The following RIF1 variants were observed in gnomAD, a reference collection of about 807,000 sequenced individuals.
The protein encoded by RIF1 is telomere-associated protein RIF1.
RIF1 carries 45 observed loss-of-function variants against 247.1 expected under a neutral mutation model. The observed-to-expected ratio is 0.18, with a 90% CI of 0.14 to 0.23. The LOEUF (loss-of-function observed/expected upper bound fraction) is 0.23. Among genes scored for constraint, RIF1 ranks in the 10% least tolerant of loss-of-function variants. The pLI, the probability that RIF1 is intolerant of heterozygous loss-of-function variation, is 1.00. For synonymous variants in RIF1, 1,087 were observed against 978.8 expected (o/e 1.11, Z -2.06); for missense variants, 2,967 against 2,862.5 (o/e 1.04, Z -0.83).
intron 11 of RIF1, among the ~76,000 whole-genome samples, chr2:151,501,923 T>C (rs2064940330): frequency 6.6e-6 from 1 of 152,064 alleles, no homozygotes; most frequent in South Asian, 2.1e-4. Context: ...ATACTGAAAG[T>C]TTTCCAAAGG....
intron 11 of RIF1, among the ~76,000 whole-genome samples, chr2:151,436,620 G>A (rs1691268974): frequency 6.6e-6 from 1 of 151,500 alleles, no homozygotes; most frequent in Admixed American, 6.6e-5. Flanking sequence ...TGATATACAT[G>A]TGTGTCATAT....
At chr2:151,415,972 G>A (rs1299887042) in intron 4 of RIF1, among the ~76,000 whole-genome samples, 1 of 152,208 alleles carries the variant, frequency 6.6e-6, no homozygotes, top group African/African-American at 2.4e-5. Context: ...GAATTGAAAA[G>A]TTCTTTGACA....
chr2:151,446,567 G>C lies in RIF1; in HGVS notation c.2236G>C (p.Gly746Arg). The change falls in exon 20 of 36, where the codon GGC (glycine) becomes CGC (arginine). Residue 746 changes from glycine to arginine, a missense_variant. By Grantham distance (125) the Gly-to-Arg change is moderately radical. Around this residue, in one of 7 missense-constraint regions of RIF1, gnomAD observed 2,028 missense variants for 1,825.6 expected, o/e 1.11. Transcript: ENST00000444746. ...SKIMSSLEDE[G>R]FSNLLFVDRI... ...GATAATGTCCAGTTTGGAAGATGAA[G>C]GCTTTTCTGTGAGTTTGTCCTGATG... 6.2e-7 allele frequency: 1 copy of C among 1,612,260 alleles called. No homozygotes were observed.
intron 9 of RIF1, chr2:151,492,182 T>C (rs1207561303): frequency 1.2e-6 from 2 of 1,613,980 alleles, no homozygotes; most frequent in South Asian, 2.2e-5. Context: ...TTAATGTCAC[T>C]GAAGTCCTGC....
At position 151,502,930 on chromosome 2, in the gene RIF1, C is replaced by T. The variant is rs62167161; in HGVS notation, c.*710-104C>T. ...ACCCAGAGGACATTTAAAACAGGCA[C>T]AGAGAGTAAGGAAGGAAGGAAATGG... On this transcript the variant is annotated intron_variant and NMD_transcript_variant, in intron 11 of 13. Transcript: ENST00000454583. 4.5e-3 allele frequency: 5,465 copies of T among 1,213,252 alleles called. 14 individuals carry two copies. Among genetic ancestry groups the T allele is most frequent in the Non-Finnish European group, 5.6e-3 (4,677 of 839,200 alleles). 75.2% of individuals were successfully genotyped at this position (1,213,252 alleles called of 1,614,324 possible).
At chr2:151,469,089 A>G (rs552714089) in intron 33 of RIF1, among the ~76,000 whole-genome samples, 4 of 152,286 alleles carry the variant, frequency 2.6e-5, no homozygotes, top group Admixed American at 1.3e-4. Context: ...AAAACCACAC[A>G]GCTGTTAAGT....
chr2:151,473,977 G>T lies in RIF1; in HGVS notation c.7109G>T (p.Gly2370Val). 6.3e-7 allele frequency: 1 copy of T among 1,575,422 alleles called. No homozygotes were observed. Among genetic ancestry groups the T allele is most frequent in the Non-Finnish European group, 8.7e-7 (1 of 1,148,340 alleles). The change falls in exon 35 of 36, where the codon GGA (glycine) becomes GTA (valine). Residue 2370 changes from glycine to valine, a missense_variant. By Grantham distance (109) the Gly-to-Val change is moderately radical. This residue lies in a region of RIF1 where 151 missense variants were observed against 163.4 expected (regional missense o/e 0.92). Transcript: ENST00000444746. ...ACTGTAATCAAGGTGAAGACTCGTG[G>T]ACTAGAAGAGATTCCAGTTTTTGAT... Reference protein sequence around the residue: ...IYHEQQVKTRGLEEIPVFDIS... With the variant: ...IYHEQQVKTRVLEEIPVFDIS...
At chr2:151,474,752 C>G in intron 35 of RIF1, 105 bp from the exon 36 acceptor site, 2 of 688,728 alleles carry the variant, frequency 2.9e-6, no homozygotes, top group Non-Finnish European at 5.0e-6. Flanking sequence ...TAAGCCTGCT[C>G]TCTCAATTTG....
At chr2:151,415,460 G>A (rs1282127494) in intron 4 of RIF1, among the ~76,000 whole-genome samples, 2 of 151,200 alleles carry the variant, frequency 1.3e-5, no homozygotes, top group African/African-American at 2.4e-5. Flanking sequence ...CGGGCGTGGT[G>A]GCAGGTGCCT....
Position 151,468,726 on chromosome 2 carries a change from T to A in RIF1, c.6911T>A (p.Ile2304Asn). 1 of 1,613,442 alleles carries A rather than the reference T, an allele frequency of 6.2e-7. No individual in the cohort carries two copies. The highest frequency in any genetic ancestry group is 8.5e-7 in the Non-Finnish European group (1 of 1,179,358). The change falls in exon 33 of 36, where the codon ATC becomes AAC. Residue 2304 changes from isoleucine (I) to asparagine (N), a missense_variant. Ile to Asn is a moderately radical substitution (Grantham distance 149). Coordinates refer to ENST00000444746, the MANE Select transcript of RIF1 (RefSeq NM_018151.5). Reference protein sequence around the residue: ...PLVNCVAPVDIILPQITSNMW... With the variant: ...PLVNCVAPVDNILPQITSNMW... ...GTGAACTGTGTGGCACCAGTTGACA[T>A]CATTTTACCTCAGATTACATCAAAC...
chr2:151,437,798 A>G (rs1222449026), intron 13 of RIF1, among the ~76,000 whole-genome samples: 4 of 152,236 alleles, frequency 2.6e-5, no homozygotes, highest in Non-Finnish European at 5.9e-5. Context: ...TCGCAGTAAC[A>G]TACCATGTTA....
At chr2:151,439,019 T>C (rs1353224579) in intron 14 of RIF1, among the ~76,000 whole-genome samples, 1 of 152,244 alleles carries the variant, frequency 6.6e-6, no homozygotes, top group African/African-American at 2.4e-5. Flanking sequence ...GAAGCCTTGC[T>C]GATAACATAA....
At chr2:151,519,656 A>G in the RIF1 span, 488 of 1,595,418 alleles carry the variant, frequency 3.1e-4, no homozygotes, top group Non-Finnish European at 4.0e-4. Context: ...TTAGAAACAT[A>G]CCTCACTTGC....
chr2:151,410,681 A>G (rs1387529709), intron 2 of RIF1, among the ~76,000 whole-genome samples, 154 bp downstream of exon 2: 2 of 151,890 alleles, frequency 1.3e-5, no homozygotes, highest in Non-Finnish European at 2.9e-5. Context: ...GGCGGGGGAG[A>G]TGTATTCTAG....
intron 2 of RIF1, among the ~76,000 whole-genome samples, chr2:151,411,023 C>T (rs1047327230): frequency 1.1e-4 from 17 of 152,110 alleles, no homozygotes; most frequent in African/African-American, 3.9e-4. Flanking sequence ...TTTTTGGAGT[C>T]AGGTTGTCAC....
intron 10 of RIF1, among the ~76,000 whole-genome samples, chr2:151,435,073 T>G (rs1034837005): frequency 6.6e-6 from 1 of 152,208 alleles, no homozygotes; most frequent in African/African-American, 2.4e-5. Flanking sequence ...AAGGGTCCAA[T>G]AGGCTAATTC....
intron 10 of RIF1, among the ~76,000 whole-genome samples, chr2:151,499,073 A>G (rs1161271726): frequency 6.6e-6 from 1 of 152,000 alleles, no homozygotes; most frequent in East Asian, 1.9e-4. Flanking sequence ...TACATTTGTA[A>G]AAGCAGGAAT....
chr2:151,466,979 G>T (rs1364960575), intron 30 of RIF1, among the ~76,000 whole-genome samples: 1 of 152,146 alleles, frequency 6.6e-6, no homozygotes, highest in Non-Finnish European at 1.5e-5. Context: ...TCCCAGGCAT[G>T]GGATTTGGGA....
chr2:151,457,937 G>C lies in RIF1; in HGVS notation c.2829G>C (p.Met943Ile). The change falls in exon 24 of 36, where the codon ATG becomes ATC. Residue 943 changes from methionine (M) to isoleucine (I), a missense_variant. By Grantham distance (10) the Met-to-Ile change is conservative. This residue lies in a region of RIF1 where 2,028 missense variants were observed against 1,825.6 expected (regional missense o/e 1.11). Transcript: ENST00000444746. ...GGAATGCCACTTTTGCCAAAGTGATGATGTTGGTTTATCCTGAAGAGTTAA... is the reference window on the plus strand; with the variant it reads ...GGAATGCCACTTTTGCCAAAGTGATCATGTTGGTTTATCCTGAAGAGTTAA... ...QFWNATFAKV[M>I]MLVYPEELKP... is the part of the protein sequence containing the mutation. 1 of 1,613,694 alleles carries C rather than the reference G, an allele frequency of 6.2e-7. No individual in the cohort carries two copies. The highest frequency in any genetic ancestry group is 8.5e-7 in the Non-Finnish European group (1 of 1,179,778).
Sources: allele counts gnomAD v4.1 joint callset (sites outside exome capture counted in the v4.1 genomes callset), GRCh38; gene constraint gnomAD v4.1.1; regional missense constraint gnomAD v4.1.1; transcripts MANE v1.5; gene names NCBI Gene and HGNC (gene_info 2026-07-23, HGNC 2026-07-21).